Variants in UNC80 observed in about 807,000 individuals in gnomAD.
UNC80 encodes the protein unc-80 subunit of NALCN channel complex.
UNC80 carries 164 observed loss-of-function variants against 384.6 expected under a neutral mutation model. The observed-to-expected ratio is 0.43, with a 90% CI of 0.38 to 0.49. The LOEUF (loss-of-function observed/expected upper bound fraction) is 0.49, where lower values mean the gene tolerates loss of function less well. Among genes scored for constraint, UNC80 ranks in the 20% least tolerant of loss-of-function variants. The pLI is 0.00. For synonymous variants in UNC80, 1,486 were observed against 1,527.8 expected (o/e 0.97, Z 0.64); for missense variants, 3,330 against 4,143.0 (o/e 0.80, Z 5.39).
intron 22 of UNC80, among the ~76,000 whole-genome samples, chr2:209,859,909 A>G (rs2083226682): frequency 6.6e-6 from 1 of 152,134 alleles, no homozygotes; most frequent in African/African-American, 2.4e-5. Flanking sequence ...AGTTCCTTGT[A>G]AATTCTGGAA....
intron 13 of UNC80, among the ~76,000 whole-genome samples, chr2:209,823,714 T>G (rs1426250586): frequency 1.3e-5 from 2 of 151,928 alleles, no homozygotes; most frequent in Non-Finnish European, 2.9e-5. Context: ...GTTTTTCTAT[T>G]ATTATATGCC....
intron 47 of UNC80, among the ~76,000 whole-genome samples, chr2:209,951,987 C>T (rs540222206): frequency 1.3e-5 from 2 of 152,286 alleles, no homozygotes; most frequent in East Asian, 1.9e-4. Flanking sequence ...ACTATTAACA[C>T]TTACCTTTCA....
At chr2:209,829,517 T>C (rs2080799467) in intron 15 of UNC80, 138 bp downstream of exon 15, 4 of 878,552 alleles carry the variant, frequency 4.6e-6, no homozygotes, top group Admixed American at 2.7e-5. Context: ...TGTGGGTGTG[T>C]GTATAGAGTA....
chr2:209,957,822 C>A, intron 49 of UNC80, 86 bp downstream of exon 49: 1 of 1,254,512 alleles, frequency 8.0e-7, no homozygotes, highest in Non-Finnish European at 1.1e-6. Context: ...GAACCCTGAA[C>A]ATAGTCAATA....
intron 6 of UNC80, among the ~76,000 whole-genome samples, chr2:209,791,820 A>AG (rs2077823815): frequency 8.7e-5 from 1 of 11,532 alleles, no homozygotes; most frequent in African/African-American, 2.1e-4. Flanking sequence ...ACTCCGTCTC[A>AG]AAAAAAAAAA....
chr2:209,826,867 CAG>C, intron 14 of UNC80, among the ~76,000 whole-genome samples: 1 of 152,032 alleles, frequency 6.6e-6, no homozygotes, highest in East Asian at 1.9e-4. Context: ...CATATCTTGA[CAG>C]AGTTTTAGGG....
chr2:209,838,811 A>G (rs931488522), intron 18 of UNC80, among the ~76,000 whole-genome samples: 1 of 152,132 alleles, frequency 6.6e-6, no homozygotes, highest in Non-Finnish European at 1.5e-5. Context: ...AATACAAAAA[A>G]TTAGCCGGGT....
chr2:209,956,575 T>A (rs1209988193), intron 48 of UNC80, among the ~76,000 whole-genome samples: 4 of 149,478 alleles, frequency 2.7e-5, no homozygotes, highest in Admixed American at 6.6e-5. Context: ...TTTTTTTAAA[T>A]TTTTTAATTT....
At chr2:209,938,652 A>G (rs2091406013) in intron 42 of UNC80, among the ~76,000 whole-genome samples, 1 of 149,838 alleles carries the variant, frequency 6.7e-6, no homozygotes, top group South Asian at 2.1e-4. Context: ...AACCCTAATC[A>G]ATAATGGTGC....
At chr2:209,942,545 G>A (rs2091697432) in intron 44 of UNC80, among the ~76,000 whole-genome samples, 1 of 151,994 alleles carries the variant, frequency 6.6e-6, no homozygotes, top group South Asian at 2.1e-4. Context: ...AGGGCCCAGG[G>A]GCTCATCCTA....
chr2:209,807,017 A>T (rs2078942528), intron 7 of UNC80, among the ~76,000 whole-genome samples: 1 of 152,190 alleles, frequency 6.6e-6, no homozygotes, highest in Admixed American at 6.5e-5. Context: ...AGACTAAAGA[A>T]ATTCTTGCCA....
Position 209,776,175 on chromosome 2 carries a change from C to T in UNC80, c.298+130C>T, listed in dbSNP as rs912975513. On this transcript the variant is annotated intron_variant, in intron 3 of 64. Transcript: ENST00000673920. ...CATATATTATCTCATTTAATTATCA[C>T]AAAATCCTCCTCACACTTATACTCA... 1.2e-5 allele frequency: 14 copies of T among 1,155,448 alleles called. No homozygotes were observed. The South Asian group carries it at 2.0e-4, about 17-fold the overall frequency. The allele number at this position is 1,155,448 out of a possible 1,614,324, so 71.6% of individuals were successfully genotyped here.
chr2:209,936,584 T>C (rs2091260408), intron 40 of UNC80, among the ~76,000 whole-genome samples: 1 of 152,142 alleles, frequency 6.6e-6, no homozygotes, highest in South Asian at 2.1e-4. Flanking sequence ...TACCATTCTT[T>C]GGATAGCTCT....
At chr2:209,920,929 G>A (rs2089987841) in intron 33 of UNC80, among the ~76,000 whole-genome samples, 1 of 151,826 alleles carries the variant, frequency 6.6e-6, no homozygotes, top group South Asian at 2.1e-4. Context: ...CTGTGTTCAA[G>A]CAATTCTCAT....
intron 52 of UNC80, chr2:209,968,311 A>G (rs2092792916): frequency 6.6e-6 from 1 of 152,192 alleles, no homozygotes; most frequent in Admixed American, 6.5e-5. Context: ...TCAACAGATT[A>G]ACACTGGTAA....
intron 29 of UNC80, among the ~76,000 whole-genome samples, chr2:209,911,992 A>G (rs577540586): frequency 5.1e-4 from 78 of 152,220 alleles, no homozygotes; most frequent in African/African-American, 1.8e-3. Context: ...TACCTGTACA[A>G]CTCAGTCCTT....
intron 15 of UNC80, 41 bp downstream of exon 15, chr2:209,829,420 G>GA: frequency 6.5e-7 from 1 of 1,548,950 alleles, no homozygotes; most frequent in Non-Finnish European, 8.7e-7. Context: ...AAGTCGTTGT[G>GA]AGGTGAATCA....
chr2:209,817,110 C>T lies in UNC80; in HGVS notation c.1537C>T (p.Gln513Ter). 1 of 1,551,590 alleles carries T rather than the reference C, an allele frequency of 6.4e-7. No individual in the cohort carries two copies. Among genetic ancestry groups the T allele is most frequent in the Non-Finnish European group, 8.7e-7 (1 of 1,146,998 alleles). ...DRRGIEKGGW[Q>*]TTILGKLTRR... is the part of the protein sequence containing the mutation. ...GCGAGGAATTGAGAAAGGAGGCTGG[C>T]AAACCACCATTTTAGGTGACCACAA... The change falls in exon 10 of 65, where the codon CAA becomes TAA. Residue 513 changes from glutamine to a stop codon, truncating the protein, a stop_gained. Coordinates refer to ENST00000673920, the MANE Select transcript of UNC80 (RefSeq NM_001371986.1). LOFTEE classifies it high-confidence loss of function.
chr2:209,814,510 T>G (rs958659474), intron 8 of UNC80, among the ~76,000 whole-genome samples: 7 of 152,178 alleles, frequency 4.6e-5, no homozygotes, highest in Non-Finnish European at 8.8e-5. Context: ...CCTCCCAAAG[T>G]GCTGGGATTA....
Sources: allele counts gnomAD v4.1 joint callset (sites outside exome capture counted in the v4.1 genomes callset), GRCh38; gene constraint gnomAD v4.1.1; transcripts MANE v1.5; gene names NCBI Gene and HGNC (gene_info 2026-07-23, HGNC 2026-07-21).